CCDC13: variants seen among roughly 807,000 people sequenced by gnomAD.
CCDC13 encodes the protein coiled-coil domain-containing protein 13.
CCDC13 carries 70 observed loss-of-function variants against 87.3 expected under a neutral mutation model. The observed-to-expected ratio is 0.80, with a 90% CI of 0.66 to 0.98. CCDC13 has a LOEUF of 0.98. Among genes scored for constraint, CCDC13 ranks in the 50% least tolerant of loss-of-function variants. CCDC13 has a pLI of 0.00. For synonymous variants in CCDC13, 317 were observed against 360.3 expected (o/e 0.88, Z 1.36); for missense variants, 842 against 892.0 (o/e 0.94, Z 0.71).
intron 1 of CCDC13, among the ~76,000 whole-genome samples, chr3:42,769,449 G>T (rs1204778774): frequency 6.6e-6 from 1 of 152,232 alleles, no homozygotes; most frequent in Non-Finnish European, 1.5e-5. Context: ...AAACAGTCTT[G>T]CCATATGATC....
rs1553690701 is a variant in CCDC13, at chr3:42,743,587, T to TTA, written c.826-532_826-531dup. The stretch of plus-strand genomic sequence containing the variant: ...CACAGGCAACTGTGCCTGGATAATT[T>TTA]TATATATATATATACACACACACAT... On this transcript the variant is annotated intron_variant, in intron 7 of 15. Coordinates refer to ENST00000310232, the MANE Select transcript of CCDC13 (RefSeq NM_144719.4). Among the ~76,000 whole-genome samples the TTA allele has an allele frequency of 1.1e-3, 104 of 97,642 alleles. 5 individuals carry two copies. In the South Asian group the frequency reaches 0.026, roughly 24 times the overall value. 64.1% of individuals were successfully genotyped at this position (97,642 alleles called of 152,430 possible).
At chr3:42,763,082 A>G (rs1478172629) in intron 1 of CCDC13, among the ~76,000 whole-genome samples, 1 of 152,244 alleles carries the variant, frequency 6.6e-6, no homozygotes, top group African/African-American at 2.4e-5. Flanking sequence ...CTAGTCGAAA[A>G]AGATTTATGA....
chr3:42,735,818 G>A lies in CCDC13; in HGVS notation c.1260C>T (p.Asn420=), dbSNP rs766193108. 1.9e-6 allele frequency: 3 copies of A among 1,614,260 alleles called. No individual in the cohort carries two copies. The South Asian group carries it at 3.3e-5, about 18-fold the overall frequency. ...GGCTGTTGCTCCGCTGAGCCTCGCT[G>A]TTCAGTTGCTGGTCCAGGTGGTGCT... ...VSQHHLDQQL[N]SEAQRSNSLV... is the part of the protein sequence containing the mutation. The change falls in exon 10 of 16, where the codon AAC becomes AAT. Residue 420 remains asparagine, a synonymous_variant. Coordinates refer to ENST00000310232, the MANE Select transcript of CCDC13 (RefSeq NM_144719.4).
chr3:42,761,840 C>CT (rs1699839015), intron 1 of CCDC13, among the ~76,000 whole-genome samples: 1 of 152,170 alleles, frequency 6.6e-6, no homozygotes, highest in African/African-American at 2.4e-5. Context: ...TCCTTCTCCC[C>CT]CCAAGGCTTA....
rs145418945 is a variant in CCDC13 at position 42,713,219 on chromosome 3, G to C, written c.1816C>G (p.Arg606Gly). Reference sequence around the variant, plus strand: ...GCTGATGCCTTCCCTGGCTCCAGGCGTATCTTCTCCAGATGTTGCTCCAGC... The same window carrying C: ...GCTGATGCCTTCCCTGGCTCCAGGCCTATCTTCTCCAGATGTTGCTCCAGC... ...VVLEQHLEKI[R>G]LEPGKASASQ... is the part of the protein sequence containing the mutation. Residue 606 changes from arginine (R) to glycine (G), a missense_variant, in exon 14 of 16, where the codon CGC becomes GGC. Coordinates refer to ENST00000310232, the MANE Select transcript of CCDC13 (RefSeq NM_144719.4). The C allele has an allele frequency of 6.2e-7, 1 of 1,614,206 alleles. No homozygotes were observed. The highest frequency in any genetic ancestry group is 1.1e-5 in the South Asian group (1 of 91,076).
intron 9 of CCDC13, 119 bp downstream of exon 9, chr3:42,739,515 C>T: frequency 8.6e-7 from 1 of 1,157,812 alleles, no homozygotes; most frequent in Non-Finnish European, 1.2e-6. Context: ...AGGCAACGGG[C>T]TTTGGGGTTA....
intron 1 of CCDC13, among the ~76,000 whole-genome samples, chr3:42,764,268 C>G (rs1294387662): frequency 1.3e-5 from 2 of 152,114 alleles, no homozygotes; most frequent in East Asian, 3.9e-4. Flanking sequence ...GAGGCGTGTC[C>G]AACCCTTGCT....
intron 12 of CCDC13, among the ~76,000 whole-genome samples, chr3:42,732,366 C>G (rs1698860733): frequency 6.6e-6 from 1 of 152,126 alleles, no homozygotes; most frequent in Non-Finnish European, 1.5e-5. Flanking sequence ...GGAGTGTTGA[C>G]AGCAGGAGCA....
rs760333077 is a variant in CCDC13, at chr3:42,730,452, G to A, written c.1718+15C>T. 1.2e-5 allele frequency: 20 copies of A among 1,610,476 alleles called. No homozygotes were observed. The highest frequency in any genetic ancestry group is 1.1e-5 in the Non-Finnish European group (13 of 1,177,132). On this transcript the variant is annotated intron_variant, in intron 13 of 15. Transcript: ENST00000310232. ...TGCAGGCCTATGGGAGAGATCCCTG[G>A]GTGCCATGTGTTACCGTTTCTGCAG...
At chr3:42,751,093 C>T (rs1699566040) in intron 5 of CCDC13, among the ~76,000 whole-genome samples, 1 of 152,210 alleles carries the variant, frequency 6.6e-6, no homozygotes, top group Non-Finnish European at 1.5e-5. Context: ...ACAGCGAGGA[C>T]TGAATTATCC....
chr3:42,747,226 C>T (rs377364951), intron 6 of CCDC13, 31 bp downstream of exon 6: 1 of 1,553,266 alleles, frequency 6.4e-7, no homozygotes, highest in African/African-American at 1.4e-5. Context: ...CCCAGCCACA[C>T]AAGAAGCCCC....
chr3:42,714,038 G>C (rs1270680184), intron 13 of CCDC13: 2 of 152,222 alleles, frequency 1.3e-5, no homozygotes, highest in African/African-American at 4.8e-5. Context: ...TTCCCTGCAG[G>C]CTGCTGGTCA....
chr3:42,742,985 C>CA lies in CCDC13; in HGVS notation c.897dup (p.Val300CysfsTer35), dbSNP rs1699267353. The CA allele has an allele frequency of 6.2e-7, 1 of 1,614,178 alleles. No individual in the cohort carries two copies. The highest frequency in any genetic ancestry group is 1.7e-5 in the Admixed American group (1 of 60,018). On this transcript the variant is annotated frameshift_variant, in exon 8 of 16. Coordinates refer to ENST00000310232, the MANE Select transcript of CCDC13 (RefSeq NM_144719.4). LOFTEE classifies it high-confidence loss of function. ...GACAGCTTCCTTGGGTCTGGATAGA[C>CA]AGACAACTCATCACTGGCTGTTCCC...
chr3:42,741,803 G>A (rs1436996400), intron 8 of CCDC13, among the ~76,000 whole-genome samples: 2 of 152,212 alleles, frequency 1.3e-5, no homozygotes, highest in African/African-American at 4.8e-5. Context: ...GTCCTGGCTG[G>A]CATACAAAGC....
At chr3:42,770,922 C>T (rs977160644) in intron 1 of CCDC13, 16 of 152,256 alleles carry the variant, frequency 1.1e-4, no homozygotes, top group African/African-American at 3.9e-4. Flanking sequence ...GAAACAAACT[C>T]CAGACACGCC....
intron 10 of CCDC13, 178 bp from the exon 11 acceptor site, chr3:42,733,787 T>G: frequency 3.7e-6 from 1 of 268,794 alleles, no homozygotes; most frequent in Non-Finnish European, 5.7e-6. Context: ...TGACATCTAA[T>G]AATGCCTCTC....
intron 3 of CCDC13, among the ~76,000 whole-genome samples, chr3:42,756,187 G>A (rs756188498): frequency 7.2e-5 from 11 of 152,216 alleles, no homozygotes; most frequent in Admixed American, 4.6e-4. Context: ...CAGCCCTGTT[G>A]CTCTCCGTGA....
At position 42,720,309 on chromosome 3, in the gene CCDC13, C is replaced by T. The variant is rs902505369; in HGVS notation, c.1719-6993G>A. Among the ~76,000 whole-genome samples the T allele has an allele frequency of 1.4e-4, 21 of 152,164 alleles. 1 individual carries two copies. The highest frequency in any genetic ancestry group is 2.9e-5 in the Non-Finnish European group (2 of 68,040). Reference sequence around the variant, plus strand: ...GTTGTGTAATTTGAAGGTTGTTAGGCCTCCTAAATGCCTCGTAAAATGCCA... The same window carrying T: ...GTTGTGTAATTTGAAGGTTGTTAGGTCTCCTAAATGCCTCGTAAAATGCCA... On this transcript the variant is annotated intron_variant, in intron 13 of 15. Coordinates refer to ENST00000310232, the MANE Select transcript of CCDC13 (RefSeq NM_144719.4).
At chr3:42,760,357 C>G (rs1312582557) in intron 1 of CCDC13, among the ~76,000 whole-genome samples, 1 of 151,646 alleles carries the variant, frequency 6.6e-6, no homozygotes. Context: ...TGGCTCATGC[C>G]TGTAATCCCA....
Sources: gnomAD v4.1 joint callset for allele counts (sites outside exome capture counted in the v4.1 genomes callset) on GRCh38, gnomAD v4.1.1 for gene constraint, MANE v1.5 for transcripts, NCBI Gene and HGNC (gene_info 2026-07-23, HGNC 2026-07-21) for gene names.